Variants in NTM observed in about 807,000 individuals in gnomAD.
The protein encoded by NTM is IgLON family member 2.
A neutral mutation model predicts 42.1 loss-of-function variants in NTM; 13 were observed. The observed-to-expected ratio is 0.31, with a 90% CI of 0.20 to 0.49. The LOEUF is 0.49. Ranked by LOEUF, NTM falls within the 20% of genes least tolerant of loss-of-function variation. The pLI, the probability that NTM is intolerant of heterozygous loss-of-function variation, is 0.99. For synonymous variants in NTM, 187 were observed against 179.2 expected, an observed-to-expected ratio of 1.04 and a Z score of -0.35; for missense variants, 373 against 452.8, an observed-to-expected ratio of 0.82 and a Z score of 1.60.
chr11:131,710,215 A>G (rs765501909), intron 1 of NTM, among the ~76,000 whole-genome samples: 6 of 152,200 alleles, frequency 3.9e-5, no homozygotes, highest in Non-Finnish European at 7.3e-5. Flanking sequence ...TATGGCCTCT[A>G]TCTTCTGCTT....
intron 1 of NTM, among the ~76,000 whole-genome samples, chr11:131,802,868 T>A (rs554689363): frequency 1.7e-4 from 26 of 152,344 alleles, no homozygotes; most frequent in African/African-American, 6.0e-4. Flanking sequence ...TCCATTATGC[T>A]GTGCAACAGC....
intron 2 of NTM, among the ~76,000 whole-genome samples, chr11:131,981,784 G>A (rs1175007220): frequency 6.6e-6 from 1 of 152,154 alleles, no homozygotes; most frequent in Non-Finnish European, 1.5e-5. Context: ...GCTGAGGCAG[G>A]TGGAGCACCT....
intron 3 of NTM, among the ~76,000 whole-genome samples, chr11:132,149,930 C>A (rs1158659258): frequency 6.6e-6 from 1 of 152,198 alleles, no homozygotes; most frequent in East Asian, 1.9e-4. Context: ...AGCCACACTG[C>A]AGTGCTTCCA....
intron 1 of NTM, among the ~76,000 whole-genome samples, chr11:131,849,959 C>G (rs1290567846): frequency 8.9e-6 from 1 of 112,616 alleles, no homozygotes; most frequent in African/African-American, 3.3e-5. Flanking sequence ...TACCCTAAAA[C>G]TTAAAGTATA....
At chr11:131,772,804 C>T (rs769947930) in intron 1 of NTM, among the ~76,000 whole-genome samples, 10 of 152,074 alleles carry the variant, frequency 6.6e-5, no homozygotes, top group Non-Finnish European at 1.5e-4. Flanking sequence ...ATAAAGTTCA[C>T]ACATGGAATT....
intron 1 of NTM, among the ~76,000 whole-genome samples, chr11:131,686,329 T>C (rs1194548402): frequency 2.0e-5 from 3 of 152,256 alleles, no homozygotes; most frequent in Non-Finnish European, 4.4e-5. Flanking sequence ...ACATGAACTG[T>C]CAATTAACAT....
At position 132,209,006 on chromosome 11, in the gene NTM, G is replaced by A. The variant is rs143024994; in HGVS notation, c.401-3016G>A. ...GGGTGCTAAGAGTGAGCAGGGACAGGGACCAGCAAACGTATGGGTTGGTGT... is the reference window on the plus strand; with the variant it reads ...GGGTGCTAAGAGTGAGCAGGGACAGAGACCAGCAAACGTATGGGTTGGTGT... On this transcript the variant is annotated intron_variant, in intron 3 of 8. Transcript: ENST00000683400. 7.6e-4 allele frequency among the ~76,000 whole-genome samples: 116 copies of A among 152,246 alleles called. 1 individual carries two copies. Among genetic ancestry groups the A allele is most frequent in the South Asian group, 1.2e-3 (6 of 4,818 alleles).
chr11:131,725,033 G>C (rs775010479), intron 1 of NTM, among the ~76,000 whole-genome samples: 2 of 152,168 alleles, frequency 1.3e-5, no homozygotes, highest in Admixed American at 6.5e-5. Flanking sequence ...TATGATCAAG[G>C]AGTATCTTGT....
Position 132,127,864 on chromosome 11 carries a change from T to A in NTM, c.168-18418T>A, listed in dbSNP as rs7125176. On this transcript the variant is annotated intron_variant, in intron 2 of 8. Coordinates refer to ENST00000683400, the MANE Select transcript of NTM (RefSeq NM_001352005.2). ...TCATGCCGGCAGACTTAGTAGTGTC[T>A]AACGTTATAGCCTGCAAGTCCCAGA... Among the ~76,000 whole-genome samples the A allele has an allele frequency of 6.7e-3, 1,020 of 152,340 alleles. 11 individuals carry two copies. Among genetic ancestry groups the A allele is most frequent in the African/African-American group, 0.023 (944 of 41,576 alleles).
chr11:131,659,740 C>G (rs2067705538), intron 1 of NTM, among the ~76,000 whole-genome samples: 1 of 152,106 alleles, frequency 6.6e-6, no homozygotes, highest in Admixed American at 6.5e-5. Flanking sequence ...CCATTTCTGG[C>G]AGAGCATCTT....
chr11:131,929,140 G>A (rs1592942039), intron 2 of NTM, among the ~76,000 whole-genome samples: 1 of 151,364 alleles, frequency 6.6e-6, no homozygotes, highest in Admixed American at 6.5e-5. Context: ...AGAGGAGAGC[G>A]GCAGCCAGGG....
chr11:131,581,624 C>T (rs1199443968), intron 1 of NTM, among the ~76,000 whole-genome samples: 2 of 152,116 alleles, frequency 1.3e-5, no homozygotes, highest in Non-Finnish European at 2.9e-5. Context: ...CTCTGGCTGA[C>T]CAGAATTGCC....
At chr11:132,305,255 T>C (rs1180814304) in intron 4 of NTM, among the ~76,000 whole-genome samples, 3 of 152,200 alleles carry the variant, frequency 2.0e-5, no homozygotes, top group Admixed American at 2.0e-4. Context: ...GCATGAACTT[T>C]AGCTGGAGAG....
At chr11:131,782,998 A>C (rs1457671293) in intron 1 of NTM, among the ~76,000 whole-genome samples, 2 of 152,174 alleles carry the variant, frequency 1.3e-5, no homozygotes, top group African/African-American at 4.8e-5. Flanking sequence ...TAATGTAAGA[A>C]AATGAATAAT....
At chr11:131,398,159 A>G (rs964614958) in intron 1 of NTM, among the ~76,000 whole-genome samples, 1 of 152,198 alleles carries the variant, frequency 6.6e-6, no homozygotes, top group Non-Finnish European at 1.5e-5. Context: ...ATCATAATGT[A>G]GCACTGCATA....
intron 1 of NTM, among the ~76,000 whole-genome samples, chr11:131,458,014 A>G (rs150709991): frequency 5.9e-5 from 9 of 152,288 alleles, no homozygotes; most frequent in African/African-American, 2.2e-4. Flanking sequence ...ACTCCACAGT[A>G]TTCTGTTATA....
intron 1 of NTM, among the ~76,000 whole-genome samples, chr11:131,906,302 T>C (rs1804625221): frequency 6.6e-6 from 1 of 152,138 alleles, no homozygotes; most frequent in Admixed American, 6.5e-5. Context: ...AGCTCTTAAA[T>C]ATTGTTCTTA....
At chr11:131,455,038 T>C (rs946084576) in intron 1 of NTM, among the ~76,000 whole-genome samples, 5 of 152,218 alleles carry the variant, frequency 3.3e-5, no homozygotes, top group African/African-American at 1.2e-4. Flanking sequence ...CAGATACCCT[T>C]GTAGACTATA....
At chr11:131,967,597 G>A (rs1004549397) in intron 2 of NTM, among the ~76,000 whole-genome samples, 1 of 152,054 alleles carries the variant, frequency 6.6e-6, no homozygotes, top group Non-Finnish European at 1.5e-5. Flanking sequence ...AGGGAAGAAG[G>A]GAAAAGACAA....
Sources: gnomAD v4.1 joint callset for allele counts (sites outside exome capture counted in the v4.1 genomes callset) on GRCh38, gnomAD v4.1.1 for gene constraint, MANE v1.5 for transcripts, NCBI Gene and HGNC (gene_info 2026-07-23, HGNC 2026-07-21) for gene names.